The following PRKCB variants were observed in gnomAD, a reference collection of about 807,000 sequenced individuals.
The protein encoded by PRKCB is protein kinase C beta type.
PRKCB carries 13 observed loss-of-function variants against 81.5 expected under a neutral mutation model. The ratio of observed to expected loss-of-function variants is 0.16; its 90% CI spans 0.10 to 0.25. The LOEUF is 0.25. Among genes scored for constraint, PRKCB ranks in the 10% least tolerant of loss-of-function variants. The probability of loss-of-function intolerance (pLI) is 1.00; values close to 1 mark genes in which losing one functional copy is unlikely to be tolerated. For missense variants in PRKCB, 509 were observed against 875.7 expected, an observed-to-expected ratio of 0.58 and a Z score of 5.29; for synonymous variants, 335 against 321.4, an observed-to-expected ratio of 1.04 and a Z score of -0.45.
chr16:23,985,025 T>A (rs1964784643), intron 2 of PRKCB, among the ~76,000 whole-genome samples: 1 of 152,136 alleles, frequency 6.6e-6, no homozygotes, highest in Non-Finnish European at 1.5e-5. Context: ...GCTATTTGAG[T>A]TTTTTTAAAA....
At position 24,216,488 on chromosome 16, in the gene PRKCB, T is replaced by A; in HGVS notation, c.*1672T>A. 1.0e-6 allele frequency: 1 copy of A among 985,416 alleles called. No individual in the cohort carries two copies. Among genetic ancestry groups the A allele is most frequent in the Non-Finnish European group, 1.2e-6 (1 of 829,936 alleles). 61.0% of individuals were successfully genotyped at this position (985,416 alleles called of 1,614,324 possible). On this transcript the variant is annotated 3_prime_UTR_variant, in exon 17 of 17. Transcript: ENST00000643927. Reference sequence around the variant, plus strand: ...CAGGCAGCTCTAAGGAGAATTCTTATCACAGTTCAAGTGATTTCCAGAAGT... The same window carrying A: ...CAGGCAGCTCTAAGGAGAATTCTTAACACAGTTCAAGTGATTTCCAGAAGT...
chr16:24,145,726 T>TGTGG (rs1001118279), intron 9 of PRKCB, among the ~76,000 whole-genome samples: 1 of 152,230 alleles, frequency 6.6e-6, no homozygotes, highest in African/African-American at 2.4e-5. Context: ...TGCACACTAG[T>TGTGG]GTGGCCATTT....
intron 3 of PRKCB, among the ~76,000 whole-genome samples, chr16:24,014,289 GA>G: frequency 6.6e-6 from 1 of 152,240 alleles, no homozygotes; most frequent in Admixed American, 6.5e-5. Context: ...GGGAGGGGAG[GA>G]GATGGGTGTG....
At chr16:23,902,780 T>TCTTCCTCCCTCCCTCCCTCCCTC (rs1555483462) in intron 2 of PRKCB, among the ~76,000 whole-genome samples, 1 of 27,364 alleles carries the variant, frequency 3.7e-5, no homozygotes, top group African/African-American at 1.8e-4. Flanking sequence ...CTTCCTTCCT[T>TCTTCCTCCCTCCCTCCCTCCCTC]CCTCCCTCCC....
chr16:23,973,692 T>A (rs1964587762), intron 2 of PRKCB, among the ~76,000 whole-genome samples: 1 of 152,044 alleles, frequency 6.6e-6, no homozygotes, highest in Admixed American at 6.6e-5. Context: ...ATTTTTTTTC[T>A]TTTTTTGAGA....
chr16:24,096,664 A>ATATATATATATATATATAT (rs1260873156), intron 7 of PRKCB, among the ~76,000 whole-genome samples: 6 of 85,388 alleles, frequency 7.0e-5, no homozygotes, highest in Admixed American at 2.4e-4. Context: ...AAAAAAAAAA[A>ATATATATATATATATATAT]AAATATATAT....
chr16:24,013,830 A>G (rs1434130231), intron 3 of PRKCB, among the ~76,000 whole-genome samples: 1 of 150,400 alleles, frequency 6.6e-6, no homozygotes, highest in Non-Finnish European at 1.5e-5. Context: ...CACAGAATTC[A>G]CCTTCCTCAG....
rs534045379 is a variant in PRKCB at position 23,964,269 on chromosome 16, A to G, written c.206-24239A>G. 9.8e-5 allele frequency among the ~76,000 whole-genome samples: 15 copies of G among 152,332 alleles called. No homozygotes were observed. The East Asian group carries it at 2.5e-3, about 25-fold the overall frequency. The stretch of plus-strand genomic sequence containing the variant: ...TCTTCCACAGCGCTGATCTAGATAG[A>G]ACAGGATTCAGTCCGCTGTGGCTTG... On this transcript the variant is annotated intron_variant, in intron 2 of 16. Coordinates refer to ENST00000643927, the MANE Select transcript of PRKCB (RefSeq NM_002738.7).
At chr16:24,060,597 G>A (rs985489009) in intron 5 of PRKCB, among the ~76,000 whole-genome samples, 6 of 152,152 alleles carry the variant, frequency 3.9e-5, no homozygotes, top group African/African-American at 2.4e-5. Context: ...GACCACTCAC[G>A]GCTTCAGTAT....
At chr16:24,019,697 G>A (rs1361061722) in intron 3 of PRKCB, among the ~76,000 whole-genome samples, 1 of 151,926 alleles carries the variant, frequency 6.6e-6, no homozygotes, top group Non-Finnish European at 1.5e-5. Flanking sequence ...CTGGGAGGTT[G>A]AGGCTGCAGT....
intron 8 of PRKCB, among the ~76,000 whole-genome samples, chr16:24,119,773 C>G (rs1027748263): frequency 6.6e-6 from 1 of 152,084 alleles, no homozygotes; most frequent in Non-Finnish European, 1.5e-5. Context: ...TAACTACCCC[C>G]TCGTTGCCTC....
chr16:23,849,167 C>T (rs1962429042), intron 2 of PRKCB, among the ~76,000 whole-genome samples: 2 of 152,244 alleles, frequency 1.3e-5, no homozygotes, highest in Non-Finnish European at 2.9e-5. Context: ...AATCTGTGAT[C>T]GCCCCATCGG....
intron 10 of PRKCB, among the ~76,000 whole-genome samples, chr16:24,157,812 G>A (rs1302607751): frequency 1.3e-5 from 2 of 150,770 alleles, no homozygotes; most frequent in Non-Finnish European, 2.9e-5. Context: ...TGAAGGACAC[G>A]TTTGCTTCCC....
intron 2 of PRKCB, among the ~76,000 whole-genome samples, chr16:23,949,723 A>T (rs1465444835): frequency 6.6e-6 from 1 of 152,240 alleles, no homozygotes; most frequent in Non-Finnish European, 1.5e-5. Flanking sequence ...GGGGTAGTCC[A>T]GTAGGCATGA....
At chr16:24,084,687 G>A (rs931009496) in intron 5 of PRKCB, among the ~76,000 whole-genome samples, 12 of 151,992 alleles carry the variant, frequency 7.9e-5, no homozygotes, top group South Asian at 6.2e-4. Flanking sequence ...CACATTTTCC[G>A]ATAAAAATAA....
chr16:24,093,093 C>T, intron 6 of PRKCB, 146 bp downstream of exon 6: 1 of 877,242 alleles, frequency 1.1e-6, no homozygotes, highest in East Asian at 2.8e-5. Flanking sequence ...TCACTCCTAT[C>T]TTTCCCTCCC....
chr16:23,987,962 A>G (rs1246230243), intron 2 of PRKCB, among the ~76,000 whole-genome samples: 1 of 152,224 alleles, frequency 6.6e-6, no homozygotes, highest in Admixed American at 6.5e-5. Context: ...TACTAAAGTG[A>G]CAATGTAAAC....
At chr16:24,066,143 T>C (rs1966032127) in intron 5 of PRKCB, among the ~76,000 whole-genome samples, 2 of 151,524 alleles carry the variant, frequency 1.3e-5, no homozygotes, top group East Asian at 3.9e-4. Flanking sequence ...TGGTGTTTCT[T>C]TACTTCTTGC....
intron 2 of PRKCB, among the ~76,000 whole-genome samples, chr16:23,979,656 G>A (rs752405777): frequency 5.3e-5 from 8 of 152,104 alleles, no homozygotes; most frequent in South Asian, 2.1e-4. Context: ...TGAGGAAAGC[G>A]GGGGAGGCTT....
Sources: gnomAD v4.1 joint callset for allele counts (sites outside exome capture counted in the v4.1 genomes callset) on GRCh38, gnomAD v4.1.1 for gene constraint, MANE v1.5 for transcripts, NCBI Gene and HGNC (gene_info 2026-07-23, HGNC 2026-07-21) for gene names.